The following TNFRSF13B variants were observed in gnomAD, a reference collection of about 807,000 sequenced individuals.
The protein encoded by TNFRSF13B is tumor necrosis factor receptor superfamily member 13B.
A neutral mutation model predicts 24.0 loss-of-function variants in TNFRSF13B; 34 were observed. That is an observed-to-expected ratio of 1.41 (90% CI 1.08 to 1.88). TNFRSF13B has a LOEUF of 1.88. TNFRSF13B is among the 40% of genes most tolerant of loss of function. The pLI is 0.00. For synonymous variants in TNFRSF13B, 173 were observed against 150.3 expected (o/e 1.15, Z -1.10); for missense variants, 415 against 380.8 (o/e 1.09, Z -0.75).
intron 3 of TNFRSF13B, chr17:16,941,033 C>T: frequency 1.4e-6 from 1 of 692,132 alleles, no homozygotes; most frequent in Non-Finnish European, 1.8e-6. Context: ...TATGCACATC[C>T]TCCTATACAA....
At chr17:16,966,751 T>G (rs928989231) in intron 1 of TNFRSF13B, among the ~76,000 whole-genome samples, 6 of 147,464 alleles carry the variant, frequency 4.1e-5, no homozygotes, top group Non-Finnish European at 8.8e-5. Flanking sequence ...AATGATAAAT[T>G]TATTACAGCA....
chr17:16,968,468 T>C (rs2087720934), intron 1 of TNFRSF13B, among the ~76,000 whole-genome samples: 1 of 152,216 alleles, frequency 6.6e-6, no homozygotes, highest in Non-Finnish European at 1.5e-5. Flanking sequence ...GGAGAAAGAA[T>C]AGTGTTTTCA....
intron 1 of TNFRSF13B, among the ~76,000 whole-genome samples, chr17:16,967,521 G>A (rs1369425599): frequency 1.3e-5 from 2 of 151,798 alleles, no homozygotes; most frequent in African/African-American, 2.4e-5. Flanking sequence ...TTGGGAGGCC[G>A]AGGCTGGCGG....
rs750598581 is a variant in TNFRSF13B at position 16,939,790 on chromosome 17, C to T, written c.639G>A (p.Ala213=). ...QSPAKSSQDH[A]MEAGSPVSTS... ...TGCTCACAGGGCTGCCGGCTTCCAT[C>T]GCGTGATCTGCAGAGGCGAGAGTGG... Residue 213 remains alanine (A), a synonymous_variant, in exon 5 of 5, where the codon GCG becomes GCA. Coordinates refer to ENST00000261652, the MANE Select transcript of TNFRSF13B (RefSeq NM_012452.3). 50 of 1,611,336 alleles carry T rather than the reference C, an allele frequency of 3.1e-5. No individual in the cohort carries two copies. The highest frequency in any genetic ancestry group is 1.8e-4 in the Middle Eastern group (1 of 5,662).
intron 1 of TNFRSF13B, among the ~76,000 whole-genome samples, chr17:16,962,885 A>T (rs2087672996): frequency 1.3e-5 from 2 of 152,196 alleles, no homozygotes; most frequent in African/African-American, 4.8e-5. Context: ...ATGCATGCAG[A>T]TAGTGACGTC....
At chr17:16,967,386 G>A (rs1426407057) in intron 1 of TNFRSF13B, among the ~76,000 whole-genome samples, 3 of 151,814 alleles carry the variant, frequency 2.0e-5, no homozygotes, top group African/African-American at 4.8e-5. Flanking sequence ...TGTTTTGGAG[G>A]TTATTTTTGA....
At chr17:16,948,682 C>T (rs929394754) in intron 3 of TNFRSF13B, 56 bp downstream of exon 3, 22 of 1,611,738 alleles carry the variant, frequency 1.4e-5, no homozygotes, top group African/African-American at 1.1e-4. Context: ...GGCATCAGGC[C>T]TCCCACGCTT....
At chr17:16,941,292 A>G in intron 3 of TNFRSF13B, 1 of 987,692 alleles carries the variant, frequency 1.0e-6, no homozygotes, top group Non-Finnish European at 1.2e-6. Flanking sequence ...CACTGAGACC[A>G]GGACAGCAGG....
intron 3 of TNFRSF13B, 160 bp from the exon 4 acceptor site, chr17:16,940,671 G>T: frequency 6.7e-7 from 1 of 1,482,852 alleles, no homozygotes; most frequent in Non-Finnish European, 8.9e-7. Flanking sequence ...ATGCTCTCTG[G>T]ATCCTGGAGG....
At chr17:16,971,017 G>A (rs957091142) in intron 1 of TNFRSF13B, among the ~76,000 whole-genome samples, 3 of 152,126 alleles carry the variant, frequency 2.0e-5, no homozygotes, top group African/African-American at 7.2e-5. Flanking sequence ...AAGGACCTGG[G>A]GCCCTTTCAT....
At chr17:16,956,122 G>A (rs890971700) in intron 1 of TNFRSF13B, among the ~76,000 whole-genome samples, 6 of 152,212 alleles carry the variant, frequency 3.9e-5, no homozygotes, top group Non-Finnish European at 7.3e-5. Flanking sequence ...CTGGTTGACT[G>A]CAGAGATAAA....
At chr17:16,963,752 G>A (rs917266853) in intron 1 of TNFRSF13B, among the ~76,000 whole-genome samples, 5 of 151,996 alleles carry the variant, frequency 3.3e-5, no homozygotes, top group African/African-American at 4.8e-5. Flanking sequence ...GGGTTTCACC[G>A]TGTTAGCCAG....
chr17:16,943,560 C>T (rs546271868), intron 3 of TNFRSF13B, among the ~76,000 whole-genome samples: 2 of 152,280 alleles, frequency 1.3e-5, no homozygotes, highest in Admixed American at 1.3e-4. Flanking sequence ...GCTATCGCCA[C>T]CATCCAGGGG....
chr17:16,941,413 C>T (rs1319258281), intron 3 of TNFRSF13B: 4 of 987,492 alleles, frequency 4.1e-6, no homozygotes, highest in Non-Finnish European at 4.8e-6. Context: ...GAAAGCCCTC[C>T]CCTTGGAAGT....
chr17:16,954,587 T>G (rs2087612550), intron 1 of TNFRSF13B, among the ~76,000 whole-genome samples: 1 of 152,236 alleles, frequency 6.6e-6, no homozygotes, highest in African/African-American at 2.4e-5. Flanking sequence ...CCAGAGTGCC[T>G]GACTGCCTTT....
chr17:16,958,955 C>G (rs1446865293), intron 1 of TNFRSF13B, among the ~76,000 whole-genome samples: 1 of 151,962 alleles, frequency 6.6e-6, no homozygotes, highest in African/African-American at 2.4e-5. Context: ...ACACTATAAA[C>G]CAATTAGACA....
At chr17:16,950,976 C>A (rs1248754725) in intron 2 of TNFRSF13B, among the ~76,000 whole-genome samples, 1 of 152,250 alleles carries the variant, frequency 6.6e-6, no homozygotes. Context: ...GGCTTTCTAC[C>A]TTGACACATA....
chr17:16,956,245 C>T (rs1018146207), intron 1 of TNFRSF13B, among the ~76,000 whole-genome samples: 1 of 152,214 alleles, frequency 6.6e-6, no homozygotes, highest in African/African-American at 2.4e-5. Context: ...AAGTCACAAA[C>T]AGATGGCTTC....
At chr17:16,941,316 G>A in intron 3 of TNFRSF13B, 1 of 987,658 alleles carries the variant, frequency 1.0e-6, no homozygotes, top group Non-Finnish European at 1.2e-6. Flanking sequence ...CAACCAGGAG[G>A]GCTTTGGGCA....
Sources: allele counts gnomAD v4.1 joint callset (sites outside exome capture counted in the v4.1 genomes callset), GRCh38; gene constraint gnomAD v4.1.1; transcripts MANE v1.5; gene names NCBI Gene and HGNC (gene_info 2026-07-23, HGNC 2026-07-21).